RGS6: variants seen among roughly 807,000 people sequenced by gnomAD.
The protein encoded by RGS6 is regulator of G-protein signaling 6.
A neutral mutation model predicts 78.5 loss-of-function variants in RGS6; 30 were observed. The ratio of observed to expected loss-of-function variants is 0.38; its 90% CI spans 0.29 to 0.52. The LOEUF (loss-of-function observed/expected upper bound fraction) is 0.52, where lower values mean the gene tolerates loss of function less well. Ranked by LOEUF, RGS6 falls within the 20% of genes least tolerant of loss-of-function variation. The pLI is 0.85. For missense variants in RGS6, 495 were observed against 609.7 expected, an observed-to-expected ratio of 0.81 and a Z score of 1.98; for synonymous variants, 206 against 206.0, an observed-to-expected ratio of 1.00 and a Z score of 0.00.
At chr14:72,573,913 C>T in the RGS6 span, among the ~76,000 whole-genome samples, 1 of 152,214 alleles carries the variant, frequency 6.6e-6, no homozygotes, top group African/African-American at 2.4e-5. Flanking sequence ...TCATGCAAGA[C>T]TTTGCCAAGG....
intron 2 of RGS6, among the ~76,000 whole-genome samples, chr14:72,111,787 A>C (rs530164274): frequency 3.3e-4 from 50 of 152,248 alleles, no homozygotes; most frequent in Non-Finnish European, 5.4e-4. Context: ...TTCAGTGCGC[A>C]CTCAAAAGGG....
At chr14:72,193,639 A>G (rs1460519368) in intron 2 of RGS6, among the ~76,000 whole-genome samples, 1 of 152,194 alleles carries the variant, frequency 6.6e-6, no homozygotes, top group Non-Finnish European at 1.5e-5. Context: ...GTATGGAGAA[A>G]AAGAAATGAA....
intron 1 of RGS6, among the ~76,000 whole-genome samples, chr14:71,959,515 G>A (rs750534829): frequency 2.0e-5 from 3 of 152,150 alleles, no homozygotes; most frequent in Non-Finnish European, 4.4e-5. Flanking sequence ...TTTGAGGGCT[G>A]GGCACTAAGA....
At chr14:72,211,886 G>C (rs913872089) in intron 2 of RGS6, among the ~76,000 whole-genome samples, 1 of 152,164 alleles carries the variant, frequency 6.6e-6, no homozygotes, top group Non-Finnish European at 1.5e-5. Flanking sequence ...GGGGCAGGCC[G>C]TGAAGATATG....
At chr14:72,416,071 C>G (rs546832040) in intron 3 of RGS6, among the ~76,000 whole-genome samples, 2 of 151,642 alleles carry the variant, frequency 1.3e-5, no homozygotes, top group Non-Finnish European at 2.9e-5. Flanking sequence ...TTGCTTGAAC[C>G]CGGGAGGCGG....
chr14:72,490,944 G>A (rs1394613798), intron 12 of RGS6, among the ~76,000 whole-genome samples: 1 of 152,180 alleles, frequency 6.6e-6, no homozygotes, highest in Non-Finnish European at 1.5e-5. Flanking sequence ...TCTGACTCAG[G>A]AGGCCTGGGC....
chr14:72,511,648 AGAC>A (rs2096879384), intron 14 of RGS6: 1 of 152,296 alleles, frequency 6.6e-6, no homozygotes, highest in Non-Finnish European at 1.5e-5. Context: ...GGATAATAGT[AGAC>A]GAAGAAGCAG....
chr14:72,126,582 A>G (rs995380683), intron 2 of RGS6, among the ~76,000 whole-genome samples: 14 of 152,228 alleles, frequency 9.2e-5, no homozygotes, highest in African/African-American at 2.9e-4. Flanking sequence ...TTTGTCTCCA[A>G]TGCCACTGAA....
rs1406980002 is a variant in RGS6 at position 72,053,378 on chromosome 14, G to A, written c.84+88503G>A. On this transcript the variant is annotated intron_variant, in intron 2 of 17. Coordinates refer to ENST00000553525, the MANE Select transcript of RGS6 (RefSeq NM_001204424.2). Reference sequence around the variant, plus strand: ...TGTGATCTGCCCGCCTCTGCCTCCCGAAGTGCTGGGATTACAGGCATGAGC... The same window carrying A: ...TGTGATCTGCCCGCCTCTGCCTCCCAAAGTGCTGGGATTACAGGCATGAGC... 6.6e-5 allele frequency among the ~76,000 whole-genome samples: 10 copies of A among 151,732 alleles called. No individual in the cohort carries two copies. In the East Asian group the frequency reaches 1.6e-3, roughly 24 times the overall value.
chr14:72,161,429 G>C (rs2096851666), intron 2 of RGS6, among the ~76,000 whole-genome samples: 1 of 152,190 alleles, frequency 6.6e-6, no homozygotes, highest in Non-Finnish European at 1.5e-5. Context: ...AATAGGCACA[G>C]ACTTTTGCTT....
chr14:71,912,315 C>T, the RGS6 span, among the ~76,000 whole-genome samples: 1 of 152,148 alleles, frequency 6.6e-6, no homozygotes, highest in African/African-American at 2.4e-5. Flanking sequence ...TAAGGTTTGT[C>T]AGGGGTCCTT....
intron 1 of RGS6, among the ~76,000 whole-genome samples, chr14:71,943,550 TGAG>T (rs1424761242): frequency 1.3e-5 from 2 of 152,144 alleles, no homozygotes; most frequent in East Asian, 1.9e-4. Flanking sequence ...CATTGGGATT[TGAG>T]GAGGCTTGTA....
At chr14:72,194,783 C>T (rs2039628264) in intron 2 of RGS6, among the ~76,000 whole-genome samples, 2 of 152,168 alleles carry the variant, frequency 1.3e-5, no homozygotes, top group African/African-American at 4.8e-5. Context: ...AAGAGGGACC[C>T]TGGGGCAGGG....
intron 3 of RGS6, among the ~76,000 whole-genome samples, chr14:72,402,780 TG>T (rs2092558627): frequency 6.7e-6 from 1 of 149,412 alleles, no homozygotes; most frequent in Non-Finnish European, 1.5e-5. Context: ...TTATATTTTT[TG>T]TTTTTTTGGT....
At chr14:72,341,851 G>A (rs1359871887) in intron 2 of RGS6, among the ~76,000 whole-genome samples, 4 of 152,186 alleles carry the variant, frequency 2.6e-5, no homozygotes, top group Admixed American at 6.5e-5. Flanking sequence ...AACCAGAAAG[G>A]ATGAGTGATC....
the RGS6 span, among the ~76,000 whole-genome samples, chr14:72,611,993 G>T: frequency 1.3e-5 from 2 of 152,188 alleles, no homozygotes; most frequent in African/African-American, 4.8e-5. Context: ...CCAGCATGCG[G>T]TTTATTTTCC....
chr14:72,168,258 C>T lies in RGS6; in HGVS notation c.85-183837C>T, dbSNP rs150057533. 5.3e-3 allele frequency among the ~76,000 whole-genome samples: 802 copies of T among 152,190 alleles called. 7 individuals are homozygous for T. The highest frequency in any genetic ancestry group is 0.019 in the African/African-American group (770 of 41,500). ...ACCCAGCCTACATGTCGAGGATCCA[C>T]GTAAACACCCCTCAAACAGATGGTC... On this transcript the variant is annotated intron_variant, in intron 2 of 17. Coordinates refer to ENST00000553525, the MANE Select transcript of RGS6 (RefSeq NM_001204424.2).
intron 3 of RGS6, among the ~76,000 whole-genome samples, chr14:72,388,373 C>T (rs562718195): frequency 6.6e-6 from 1 of 152,268 alleles, no homozygotes; most frequent in Admixed American, 6.5e-5. Flanking sequence ...ACTTATTGGT[C>T]CCATAACATA....
chr14:72,161,956 C>T (rs2096859172), intron 2 of RGS6, among the ~76,000 whole-genome samples: 1 of 152,230 alleles, frequency 6.6e-6, no homozygotes. Flanking sequence ...CAAATCATTT[C>T]ATCTCTTCTG....
Sources: gnomAD v4.1 joint callset for allele counts (sites outside exome capture counted in the v4.1 genomes callset) on GRCh38, gnomAD v4.1.1 for gene constraint, MANE v1.5 for transcripts, NCBI Gene and HGNC (gene_info 2026-07-23, HGNC 2026-07-21) for gene names.